Variants in PPARD observed in about 807,000 individuals in gnomAD.
PPARD encodes peroxisome proliferator activated receptor delta.
Under a neutral mutation model 39.5 loss-of-function variants are expected in PPARD, and 6 were observed. The observed-to-expected ratio is 0.15, with a 90% CI of 0.08 to 0.30. The LOEUF (loss-of-function observed/expected upper bound fraction) is 0.30, where lower values mean the gene tolerates loss of function less well. PPARD is among the 10% of genes least tolerant of loss of function. The pLI, the probability that PPARD is intolerant of heterozygous loss-of-function variation, is 1.00. For synonymous variants in PPARD, 210 were observed against 231.3 expected (o/e 0.91, Z 0.83); for missense variants, 397 against 596.8 (o/e 0.67, Z 3.49).
chr6:35,421,831 T>C lies in PPARD; in HGVS notation c.297T>C (p.Arg99=). 6.2e-7 allele frequency: 1 copy of C among 1,611,820 alleles called. No homozygotes were observed. Among genetic ancestry groups the C allele is most frequent in the Non-Finnish European group, 8.5e-7 (1 of 1,178,832 alleles). The change falls in exon 5 of 8, where the codon CGT becomes CGC. Residue 99 remains arginine (R), a synonymous_variant. Transcript: ENST00000360694. ...TCTTGGTGCTTCAGGGCTTCTTCCG[T>C]CGTACGATCCGCATGAAGCTGGAGT... ...HACEGCKGFF[R]RTIRMKLEYE...
At chr6:35,397,650 A>G in intron 2 of PPARD, 1 of 709,474 alleles carries the variant, frequency 1.4e-6, no homozygotes, top group Non-Finnish European at 1.7e-6. Context: ...CTGATACTTG[A>G]GGGTTATGTG....
intron 2 of PPARD, among the ~76,000 whole-genome samples, chr6:35,365,003 C>T (rs550488819): frequency 3.9e-5 from 6 of 151,906 alleles, no homozygotes; most frequent in African/African-American, 1.5e-4. Flanking sequence ...GCCACCGCGC[C>T]CGGCCCCAAG....
chr6:35,425,030 T>C lies in PPARD; in HGVS notation c.1078+251T>C, dbSNP rs1293567322. On this transcript the variant is annotated intron_variant, in intron 7 of 7. Transcript: ENST00000360694. This position sits in a 1 kb window ranked among gnomAD's most constrained non-coding sequence, Gnocchi z 4.5. ...GCTCACACCTGTAATCCCAGCACTTTGGCAGGCCGAGGCGGGTGGATCACT... is the reference window on the plus strand; with the variant it reads ...GCTCACACCTGTAATCCCAGCACTTCGGCAGGCCGAGGCGGGTGGATCACT... 32 of 1,320,006 alleles carry C rather than the reference T, an allele frequency of 2.4e-5. No individual in the cohort carries two copies. The Admixed American group carries it at 4.3e-4, about 18-fold the overall frequency. 81.8% of individuals were successfully genotyped at this position (1,320,006 alleles called of 1,614,324 possible).
At chr6:35,351,352 C>T (rs1352311007) in intron 2 of PPARD, among the ~76,000 whole-genome samples, 1 of 152,130 alleles carries the variant, frequency 6.6e-6, no homozygotes, top group Non-Finnish European at 1.5e-5. Context: ...TTATTGAAGA[C>T]CCCAAGGGCT....
At position 35,421,859 on chromosome 6, in the gene PPARD, G is replaced by C; in HGVS notation, c.325G>C (p.Glu109Gln). 1 of 1,614,018 alleles carries C rather than the reference G, an allele frequency of 6.2e-7. No homozygotes were observed. Among genetic ancestry groups the C allele is most frequent in the Non-Finnish European group, 8.5e-7 (1 of 1,179,938 alleles). ...TACGATCCGCATGAAGCTGGAGTAC[G>C]AGAAGTGTGAGCGCAGCTGCAAGAT... ...RRTIRMKLEYEKCERSCKIQK... is the reference protein window; with the variant it reads ...RRTIRMKLEYQKCERSCKIQK... Residue 109 changes from glutamate (E) to glutamine (Q), a missense_variant, in exon 5 of 8, where the codon GAG becomes CAG. Coordinates refer to ENST00000360694, the MANE Select transcript of PPARD (RefSeq NM_006238.5).
intron 2 of PPARD, among the ~76,000 whole-genome samples, chr6:35,391,694 A>G (rs1764011458): frequency 2.0e-5 from 3 of 152,226 alleles, no homozygotes; most frequent in Non-Finnish European, 4.4e-5. Context: ...ACATCCTAGT[A>G]TAGTCAGACA....
intron 2 of PPARD, among the ~76,000 whole-genome samples, chr6:35,360,928 CTG>C (rs139951516): frequency 0.059 from 8,975 of 152,234 alleles, 861 homozygotes; most frequent in African/African-American, 0.2. Flanking sequence ...TCTCTGGGAA[CTG>C]TGCCCATCTG....
At chr6:35,398,901 GTT>G (rs1562206428) in intron 2 of PPARD, among the ~76,000 whole-genome samples, 1 of 152,056 alleles carries the variant, frequency 6.6e-6, no homozygotes. Flanking sequence ...ATCACTTGAG[GTT>G]ATGAGTTCAA....
In PPARD at chr6:35,424,854, C is replaced by T; in HGVS notation, c.1078+75C>T. ...GGGGGTTGGCCCTCACTGCAGGGCA[C>T]TGTGCCTGAGCTCTGACAGTGTGGG... On this transcript the variant is annotated intron_variant, in intron 7 of 7. Coordinates refer to ENST00000360694, the MANE Select transcript of PPARD (RefSeq NM_006238.5). The surrounding 1 kb of genome is among the most constrained non-coding windows in gnomAD (Gnocchi z 7.1). The T allele has an allele frequency of 6.4e-7, 1 of 1,550,930 alleles. No individual in the cohort carries two copies.
At chr6:35,410,856 C>G in intron 2 of PPARD, 131 bp from the exon 3 acceptor site, 1 of 1,147,274 alleles carries the variant, frequency 8.7e-7, no homozygotes, top group Non-Finnish European at 1.1e-6. Context: ...TATAGCACTG[C>G]AGGAACTAGG....
chr6:35,416,502 T>A (rs898859890), intron 3 of PPARD, among the ~76,000 whole-genome samples: 4 of 151,364 alleles, frequency 2.6e-5, no homozygotes, highest in Non-Finnish European at 5.9e-5. Flanking sequence ...GCCAGCAAGT[T>A]ACTAACACTT....
chr6:35,360,081 G>T (rs879221235), intron 2 of PPARD, among the ~76,000 whole-genome samples: 3 of 152,082 alleles, frequency 2.0e-5, no homozygotes, highest in Admixed American at 2.0e-4. Flanking sequence ...GCAGGCCTTG[G>T]GGCCTCCTGC....
At position 35,424,069 on chromosome 6, in the gene PPARD, A is replaced by G. The variant is rs1408378452; in HGVS notation, c.548A>G (p.Tyr183Cys). The part of the protein sequence containing the change: ...ADLKAFSKHI[Y>C]NAYLKNFNMT... ...CTGAAGGCCTTCTCCAAGCACATCTACAATGCCTACCTGAAAAACTTCAAC... is the reference window on the plus strand; with the variant it reads ...CTGAAGGCCTTCTCCAAGCACATCTGCAATGCCTACCTGAAAAACTTCAAC... Residue 183 changes from tyrosine to cysteine, a missense_variant, in exon 6 of 8, where the codon TAC (tyrosine) becomes TGC (cysteine). By Grantham distance (194) the Tyr-to-Cys change is radical (BLOSUM62 -2). Transcript: ENST00000360694. This position sits in a 1 kb window ranked among gnomAD's most constrained non-coding sequence, Gnocchi z 7.1. 8.1e-6 allele frequency: 13 copies of G among 1,614,028 alleles called. No individual in the cohort carries two copies. Among genetic ancestry groups the G allele is most frequent in the Non-Finnish European group, 1.1e-5 (13 of 1,180,046 alleles).
chr6:35,394,880 T>A (rs1052168777), intron 2 of PPARD, among the ~76,000 whole-genome samples: 2 of 152,246 alleles, frequency 1.3e-5, no homozygotes, highest in East Asian at 1.9e-4. Flanking sequence ...CTTTTACATT[T>A]GCTCCCTCAT....
intron 2 of PPARD, among the ~76,000 whole-genome samples, chr6:35,380,196 A>G (rs952165840): frequency 5.9e-5 from 9 of 152,222 alleles, no homozygotes; most frequent in Non-Finnish European, 1.0e-4. Context: ...TAGGTAGTCT[A>G]TAGTCTCAGA....
chr6:35,417,092 A>G (rs1264279465), intron 3 of PPARD, among the ~76,000 whole-genome samples: 2 of 152,032 alleles, frequency 1.3e-5, no homozygotes, highest in South Asian at 4.1e-4. Context: ...ATCTTCCCAC[A>G]TTCAGGCAAT....
chr6:35,376,947 G>A (rs950193052), intron 2 of PPARD, among the ~76,000 whole-genome samples: 1 of 151,384 alleles, frequency 6.6e-6, no homozygotes, highest in African/African-American at 2.4e-5. Context: ...ATGAACCCGG[G>A]AGGCAGAGCT....
In PPARD at chr6:35,384,485, G is replaced by C. The variant is rs1234247947; in HGVS notation, c.-101-26502G>C. Among the ~76,000 whole-genome samples, 10 of 104,460 alleles carry C rather than the reference G, an allele frequency of 9.6e-5. No individual in the cohort carries two copies. The East Asian group carries it at 2.8e-3, about 29-fold the overall frequency. The allele number at this position is 104,460 out of a possible 152,430, so 68.5% of individuals were successfully genotyped here. A position where few individuals can be genotyped will look rare whatever the true frequency, so the allele number is the denominator to read the frequency against. Reference sequence around the variant, plus strand: ...CAGCCGCCCCGTCCGGGAGGGAGGTGGGGGGGTCAGCCCCCCGCCCGGCCA... The same window carrying C: ...CAGCCGCCCCGTCCGGGAGGGAGGTCGGGGGGTCAGCCCCCCGCCCGGCCA... On this transcript the variant is annotated intron_variant, in intron 2 of 7. Transcript: ENST00000360694.
At chr6:35,407,040 G>T (rs73413744) in intron 2 of PPARD, among the ~76,000 whole-genome samples, 1 of 152,164 alleles carries the variant, frequency 6.6e-6, no homozygotes, top group African/African-American at 2.4e-5. Context: ...GGAGCGTGAC[G>T]CATAGTGGGA....
Sources: allele counts gnomAD v4.1 joint callset (sites outside exome capture counted in the v4.1 genomes callset), GRCh38; gene constraint gnomAD v4.1.1; non-coding constraint Gnocchi (gnomAD v3.1); transcripts MANE v1.5; gene names NCBI Gene and HGNC (gene_info 2026-07-23, HGNC 2026-07-21).